The following RUNX2 variants were observed in gnomAD, a reference collection of about 807,000 sequenced individuals.
RUNX2 encodes RUNX family transcription factor 2, also known as runt-related transcription factor 2.
A neutral mutation model predicts 51.7 loss-of-function variants in RUNX2; 10 were observed. That is an observed-to-expected ratio of 0.19 (90% CI 0.12 to 0.33). The LOEUF (loss-of-function observed/expected upper bound fraction) is 0.33. RUNX2 is among the 10% of genes least tolerant of loss of function. The pLI is 1.00. For synonymous variants in RUNX2, 276 were observed against 273.6 expected (o/e 1.01, Z -0.09); for missense variants, 562 against 691.3 (o/e 0.81, Z 2.10).
intron 5 of RUNX2, among the ~76,000 whole-genome samples, chr6:45,450,293 C>T (rs1799126076): frequency 6.6e-6 from 1 of 152,204 alleles, no homozygotes; most frequent in African/African-American, 2.4e-5. Context: ...AACCCTGTCC[C>T]ACCACTGAAA....
At position 45,422,832 on chromosome 6, in the gene RUNX2, C is replaced by A. The variant is rs754711247; in HGVS notation, c.298C>A (p.Arg100Ser). 1 of 1,608,196 alleles carries A rather than the reference C, an allele frequency of 6.2e-7. No individual in the cohort carries two copies. Among genetic ancestry groups the A allele is most frequent in the East Asian group, 2.3e-5 (1 of 44,442 alleles). ...CCGGTTGCGGCCGCCCCACGACAAC[C>A]GCACCATGGTGGAGATCATCGCCGA... ...VPRLRPPHDN[R>S]TMVEIIADHP... The change falls in exon 3 of 9, where the codon CGC (arginine) becomes AGC (serine). Residue 100 changes from arginine to serine, a missense_variant. By Grantham distance (110) the Arg-to-Ser change is moderately radical. Transcript: ENST00000647337.
intron 5 of RUNX2, among the ~76,000 whole-genome samples, chr6:45,461,177 C>T (rs763346589): frequency 6.6e-6 from 1 of 152,144 alleles, no homozygotes; most frequent in Non-Finnish European, 1.5e-5. Context: ...GCTAATGATG[C>T]AGGGCTGTAA....
At chr6:45,397,400 T>A (rs1390385131) in intron 2 of RUNX2, among the ~76,000 whole-genome samples, 1 of 152,158 alleles carries the variant, frequency 6.6e-6, no homozygotes, top group Non-Finnish European at 1.5e-5. Context: ...TGAGCAACCA[T>A]GCCCGGCATA....
At chr6:45,402,285 C>T (rs1052392464) in intron 2 of RUNX2, among the ~76,000 whole-genome samples, 1 of 152,140 alleles carries the variant, frequency 6.6e-6, no homozygotes, top group Non-Finnish European at 1.5e-5. Flanking sequence ...CAAATTTCCT[C>T]ATGCTGTTCA....
chr6:45,485,645 G>A (rs1453145284), intron 5 of RUNX2, among the ~76,000 whole-genome samples: 3 of 147,528 alleles, frequency 2.0e-5, no homozygotes, highest in African/African-American at 7.5e-5. Context: ...ATATAGATAA[G>A]CGTATATATA....
chr6:45,376,234 G>A (rs1265770693), intron 2 of RUNX2, among the ~76,000 whole-genome samples: 2 of 152,178 alleles, frequency 1.3e-5, no homozygotes, highest in African/African-American at 2.4e-5. Context: ...CTGAACTGCA[G>A]TATTTGAATG....
rs398001403 is a variant in RUNX2 at position 45,547,896 on chromosome 6, GTTT to G, written c.*606_*608del. ...GGTCCTCATCTGAACTGTTGGGTTC[GTTT>G]TTTTTTTTTTTTTTCCTGCTCCAAG... On this transcript the variant is annotated 3_prime_UTR_variant, in exon 9 of 9. Transcript: ENST00000647337. 1.5e-5 allele frequency: 2 copies of G among 135,590 alleles called. No homozygotes were observed. Among genetic ancestry groups the G allele is most frequent in the Non-Finnish European group, 3.2e-5 (2 of 63,084 alleles). The allele number at this position is 135,590 out of a possible 1,614,324, so 8.4% of individuals were successfully genotyped here.
chr6:45,490,803 C>T (rs1161821559), intron 5 of RUNX2, among the ~76,000 whole-genome samples: 3 of 152,026 alleles, frequency 2.0e-5, no homozygotes, highest in South Asian at 2.1e-4. Flanking sequence ...GGTTCTTCCT[C>T]GAATCAGCTT....
chr6:45,426,308 C>T (rs992419514), intron 3 of RUNX2, among the ~76,000 whole-genome samples: 2 of 152,210 alleles, frequency 1.3e-5, no homozygotes, highest in Admixed American at 6.5e-5. Flanking sequence ...CTCACTGAAA[C>T]CTTAAAATAG....
chr6:45,338,791 T>C (rs1789154292), intron 2 of RUNX2, among the ~76,000 whole-genome samples: 1 of 152,118 alleles, frequency 6.6e-6, no homozygotes, highest in South Asian at 2.1e-4. Context: ...TGCAGCCTAT[T>C]TCTCTGGATG....
intron 6 of RUNX2, among the ~76,000 whole-genome samples, chr6:45,493,974 G>A (rs1430359614): frequency 1.3e-5 from 2 of 152,142 alleles, no homozygotes; most frequent in Non-Finnish European, 1.5e-5. Flanking sequence ...TGGAGACTGC[G>A]TGTTGCCAGA....
intron 5 of RUNX2, among the ~76,000 whole-genome samples, chr6:45,478,684 CA>C (rs1800027623): frequency 6.6e-6 from 1 of 151,858 alleles, no homozygotes; most frequent in Admixed American, 6.6e-5. Context: ...CTCATAGTGA[CA>C]GGTGAGGAAT....
chr6:45,331,915 G>A (rs745735942), intron 2 of RUNX2, among the ~76,000 whole-genome samples: 2 of 151,924 alleles, frequency 1.3e-5, no homozygotes, highest in Admixed American at 1.3e-4. Context: ...AGATAGAAAT[G>A]TTCCAGTTTG....
At chr6:45,338,584 G>A (rs1278328525) in intron 2 of RUNX2, among the ~76,000 whole-genome samples, 1 of 151,986 alleles carries the variant, frequency 6.6e-6, no homozygotes, top group Non-Finnish European at 1.5e-5. Context: ...CTGCTGAACT[G>A]GAATTTAGGA....
At chr6:45,427,784 G>A (rs1032268013) in intron 3 of RUNX2, among the ~76,000 whole-genome samples, 5 of 152,104 alleles carry the variant, frequency 3.3e-5, no homozygotes, top group African/African-American at 9.7e-5. Context: ...TGTTTTAAGG[G>A]TTTGAGTTAA....
chr6:45,390,361 G>T (rs533055864), intron 2 of RUNX2, among the ~76,000 whole-genome samples: 1 of 152,200 alleles, frequency 6.6e-6, no homozygotes, highest in Non-Finnish European at 1.5e-5. Context: ...GGTTCAGGCC[G>T]TCTTCCTTGG....
At position 45,512,370 on chromosome 6, in the gene RUNX2, G is replaced by T. The variant is rs1209757399; in HGVS notation, c.984G>T (p.Gly328=). 6.2e-7 allele frequency: 1 copy of T among 1,614,048 alleles called. No homozygotes were observed. Among genetic ancestry groups the T allele is most frequent in the Admixed American group, 1.7e-5 (1 of 60,012 alleles). The part of the protein sequence containing the change: ...TTPLSSTRGT[G]LPAITDVPRR... ...CGCTGTCTTCCACACGGGGCACTGG[G>T]CTTCCTGCCATCACCGATGTGCCTA... The change falls in exon 7 of 9, where the codon GGG becomes GGT. Residue 328 remains glycine, a synonymous_variant. Coordinates refer to ENST00000647337, the MANE Select transcript of RUNX2 (RefSeq NM_001024630.4).
intron 5 of RUNX2, among the ~76,000 whole-genome samples, chr6:45,476,733 C>T (rs1473531301): frequency 6.6e-6 from 1 of 152,040 alleles, no homozygotes; most frequent in Non-Finnish European, 1.5e-5. Context: ...AATTATAGAC[C>T]AGTCTAGGGC....
At chr6:45,457,894 C>G (rs1799360386) in intron 5 of RUNX2, among the ~76,000 whole-genome samples, 1 of 151,966 alleles carries the variant, frequency 6.6e-6, no homozygotes, top group Non-Finnish European at 1.5e-5. Flanking sequence ...AGAGGTGGCT[C>G]TAAAATGCAT....
Sources: allele counts gnomAD v4.1 joint callset (sites outside exome capture counted in the v4.1 genomes callset), GRCh38; gene constraint gnomAD v4.1.1; transcripts MANE v1.5; gene names NCBI Gene and HGNC (gene_info 2026-07-23, HGNC 2026-07-21).